MDGA1: variants seen among roughly 807,000 people sequenced by gnomAD.
MDGA1 encodes the protein MAM domain-containing glycosylphosphatidylinositol anchor protein 1.
MDGA1 carries 54 observed loss-of-function variants against 101.5 expected under a neutral mutation model. That is an observed-to-expected ratio of 0.53 (90% CI 0.43 to 0.67). The LOEUF is 0.67. Ranked by LOEUF, MDGA1 falls within the 30% of genes least tolerant of loss-of-function variation. The probability of loss-of-function intolerance (pLI) is 0.00; values close to 1 mark genes in which losing one functional copy is unlikely to be tolerated. For missense variants in MDGA1, 1,083 were observed against 1,323.8 expected (o/e 0.82, Z 2.82); for synonymous variants, 533 against 558.3 (o/e 0.95, Z 0.64).
chr6:37,692,242 A>G (rs76789584), intron 1 of MDGA1, among the ~76,000 whole-genome samples: 150 of 152,128 alleles, frequency 9.9e-4, no homozygotes, highest in East Asian at 4.4e-3. Context: ...CAGGGCCCGT[A>G]GGCAGTTACA....
chr6:37,687,651 T>G (rs539685172), intron 1 of MDGA1, among the ~76,000 whole-genome samples: 2 of 152,170 alleles, frequency 1.3e-5, no homozygotes, highest in African/African-American at 4.8e-5. Context: ...GGTTTTTTTG[T>G]AATAGAGACA....
chr6:37,646,044 T>G, intron 11 of MDGA1, 88 bp from the exon 12 acceptor site: 2 of 1,598,656 alleles, frequency 1.3e-6, no homozygotes, highest in Non-Finnish European at 1.7e-6. Flanking sequence ...GACAGGGTCC[T>G]CAGAGCCAGG....
chr6:37,649,113 A>T lies in MDGA1; in HGVS notation c.1763T>A (p.Val588Asp), dbSNP rs1357847229. ...ATCCGGCGCCTCGGCGGCGGCGGGA[A>T]CAACAGGCGGCGGCGGCAGCAGCTG... ...KGQLLPPPPV[V>D]PAAAEAPDHA... Residue 588 changes from valine (V) to aspartate (D), a missense_variant, in exon 9 of 17, where the codon GTT becomes GAT. By Grantham distance (152) the Val-to-Asp change is radical (BLOSUM62 -3). Coordinates refer to ENST00000434837, the MANE Select transcript of MDGA1 (RefSeq NM_153487.4). The T allele has an allele frequency of 6.6e-7, 1 of 1,519,616 alleles. No individual in the cohort carries two copies. Among genetic ancestry groups the T allele is most frequent in the Non-Finnish European group, 8.8e-7 (1 of 1,136,780 alleles). The allele number at this position is 1,519,616 out of a possible 1,614,324, so 94.1% of individuals were successfully genotyped here. A position where few individuals can be genotyped will look rare whatever the true frequency, so the allele number is the denominator to read the frequency against.
At chr6:37,673,076 G>A (rs762074456) in intron 1 of MDGA1, among the ~76,000 whole-genome samples, 26 of 151,982 alleles carry the variant, frequency 1.7e-4, no homozygotes, top group African/African-American at 3.1e-4. Context: ...ACTATGGTTC[G>A]GACTTTTCAG....
intron 9 of MDGA1, among the ~76,000 whole-genome samples, chr6:37,647,653 TGGGGAAAGAGATTG>T (rs1561842934): frequency 7.3e-6 from 1 of 136,268 alleles, no homozygotes; most frequent in Non-Finnish European, 1.6e-5. Context: ...TGAGGGAAGA[TGGGGAAAGAGATTG>T]GGGGAAAGAC....
At chr6:37,676,630 G>A (rs1214311807) in intron 1 of MDGA1, among the ~76,000 whole-genome samples, 2 of 147,476 alleles carry the variant, frequency 1.4e-5, no homozygotes, top group Admixed American at 6.8e-5. Flanking sequence ...CCAGCATGAT[G>A]GCTCATGCTT....
intron 9 of MDGA1, among the ~76,000 whole-genome samples, chr6:37,647,665 T>C (rs1019745639): frequency 2.8e-5 from 4 of 143,646 alleles, no homozygotes; most frequent in African/African-American, 1.0e-4. Context: ...GGGAAAGAGA[T>C]TGGGGGAAAG....
At chr6:37,643,441 T>G in intron 14 of MDGA1, 1 of 180,826 alleles carries the variant, frequency 5.5e-6, no homozygotes, top group Non-Finnish European at 1.2e-5. Context: ...CCCAGCTAAT[T>G]TTGTATTTTT....
Position 37,696,937 on chromosome 6 carries a change from C to A in MDGA1, c.-126G>T. 1 of 784,608 alleles carries A rather than the reference C, an allele frequency of 1.3e-6. No homozygotes were observed. The highest frequency in any genetic ancestry group is 2.2e-6 in the Non-Finnish European group (1 of 465,026). The allele number at this position is 784,608 out of a possible 1,614,324, so 48.6% of individuals were successfully genotyped here. On this transcript the variant is annotated 5_prime_UTR_variant, in exon 1 of 17. Transcript: ENST00000434837. The surrounding 1 kb of genome is among the most constrained non-coding windows in gnomAD (Gnocchi z 5.6). ...CCCTGAGAGGTGAGAGAGAGAGCGG[C>A]GACGAAGACCAGGAGACTGAAGAGG... is the stretch of plus-strand genomic sequence containing the variant.
chr6:37,690,730 T>C (rs566233696), intron 1 of MDGA1, among the ~76,000 whole-genome samples: 1 of 150,692 alleles, frequency 6.6e-6, no homozygotes, highest in African/African-American at 2.5e-5. Context: ...TGAGCCAAGA[T>C]TGTGCCACTG....
At chr6:37,641,765 C>T (rs1352713084) in intron 14 of MDGA1, 1 of 152,170 alleles carries the variant, frequency 6.6e-6, no homozygotes, top group East Asian at 1.9e-4. Flanking sequence ...AATGAGAGGA[C>T]TCGGCAGGGT....
Position 37,647,163 on chromosome 6 carries a change from CT to C in MDGA1, c.2046+9del, listed in dbSNP as rs1186136118. ...ACCTGCCCCCAGGCCCCCGCTCCCC[CT>C]TGGCCCACCTGGCGGATGCTGAGTC... On this transcript the variant is annotated intron_variant, in intron 10 of 16. Transcript: ENST00000434837. 6.3e-7 allele frequency: 1 copy of C among 1,589,182 alleles called. No individual in the cohort carries two copies. Among genetic ancestry groups the C allele is most frequent in the Non-Finnish European group, 8.6e-7 (1 of 1,168,056 alleles).
chr6:37,688,184 T>C (rs1762237361), intron 1 of MDGA1, among the ~76,000 whole-genome samples: 1 of 152,180 alleles, frequency 6.6e-6, no homozygotes, highest in South Asian at 2.1e-4. Flanking sequence ...GTCTGGCTTT[T>C]TCAGACACAC....
chr6:37,644,012 T>C, intron 13 of MDGA1, 69 bp from the exon 14 acceptor site: 4 of 1,580,596 alleles, frequency 2.5e-6, no homozygotes, highest in Non-Finnish European at 3.4e-6. Context: ...TGATTCCCTC[T>C]CTGCCTAGGC....
chr6:37,646,576 C>G (rs1032999519), intron 10 of MDGA1, among the ~76,000 whole-genome samples: 1 of 152,148 alleles, frequency 6.6e-6, no homozygotes, highest in African/African-American at 2.4e-5. Flanking sequence ...ATTTAATCCT[C>G]AAAATTACAA....
chr6:37,650,462 G>A, intron 7 of MDGA1, 57 bp from the exon 8 acceptor site: 2 of 1,428,182 alleles, frequency 1.4e-6, no homozygotes, highest in Non-Finnish European at 1.8e-6. Flanking sequence ...GCTCCCCACT[G>A]GGCTCTGCCT....
chr6:37,662,461 C>A (rs1238695567), intron 2 of MDGA1, among the ~76,000 whole-genome samples: 1 of 151,608 alleles, frequency 6.6e-6, no homozygotes, highest in Non-Finnish European at 1.5e-5. Context: ...ATAGGGACAC[C>A]CTGTATCTAC....
intron 9 of MDGA1, among the ~76,000 whole-genome samples, chr6:37,647,915 TAGTC>T (rs1028394668): frequency 1.3e-5 from 2 of 152,200 alleles, no homozygotes; most frequent in South Asian, 2.1e-4. Context: ...AAGGGCCACT[TAGTC>T]AGTTGGGTGC....
chr6:37,680,674 G>A (rs183345445), intron 1 of MDGA1, among the ~76,000 whole-genome samples: 1 of 152,352 alleles, frequency 6.6e-6, no homozygotes, highest in African/African-American at 2.4e-5. Context: ...TGGATCGGAA[G>A]GCCGTGCTGG....
Sources: allele counts gnomAD v4.1 joint callset (sites outside exome capture counted in the v4.1 genomes callset), GRCh38; gene constraint gnomAD v4.1.1; non-coding constraint Gnocchi (gnomAD v3.1); transcripts MANE v1.5; gene names NCBI Gene and HGNC (gene_info 2026-07-23, HGNC 2026-07-21).